SPOCK1: variants seen among roughly 807,000 people sequenced by gnomAD.
SPOCK1 encodes SPARC (osteonectin), cwcv and kazal like domains proteoglycan 1.
In SPOCK1, 23 loss-of-function variants were observed where a neutral mutation model predicts 55.3. The ratio of observed to expected loss-of-function variants is 0.42; its 90% CI spans 0.30 to 0.59. SPOCK1 has a LOEUF of 0.59. Ranked by LOEUF, SPOCK1 falls within the 20% of genes least tolerant of loss-of-function variation. The pLI is 0.22. For missense variants in SPOCK1, 499 were observed against 552.5 expected (o/e 0.90, Z 0.97); for synonymous variants, 226 against 221.0 (o/e 1.02, Z -0.20).
At chr5:137,184,474 CT>C (rs2127066211) in intron 3 of SPOCK1, among the ~76,000 whole-genome samples, 1 of 152,316 alleles carries the variant, frequency 6.6e-6, no homozygotes, top group Non-Finnish European at 1.5e-5. Context: ...ACGGGCAAAG[CT>C]TTTCCATTTG....
chr5:137,332,996 C>A (rs1758215314), intron 2 of SPOCK1, among the ~76,000 whole-genome samples: 1 of 152,158 alleles, frequency 6.6e-6, no homozygotes, highest in African/African-American at 2.4e-5. Flanking sequence ...TGTCAAAAGC[C>A]AGAGCAGCAT....
At chr5:137,162,475 T>C (rs1051477115) in intron 3 of SPOCK1, among the ~76,000 whole-genome samples, 1 of 152,142 alleles carries the variant, frequency 6.6e-6, no homozygotes, top group Non-Finnish European at 1.5e-5. Context: ...TGAAAGAATG[T>C]GTGCCTAAAT....
At chr5:137,348,230 G>T (rs1580878672) in intron 2 of SPOCK1, among the ~76,000 whole-genome samples, 1 of 152,256 alleles carries the variant, frequency 6.6e-6, no homozygotes, top group Non-Finnish European at 1.5e-5. Flanking sequence ...AGTAATATGG[G>T]GTTCAAGTAA....
intron 2 of SPOCK1, among the ~76,000 whole-genome samples, chr5:137,427,364 CA>C (rs1752653463): frequency 6.6e-6 from 1 of 152,142 alleles, no homozygotes; most frequent in Non-Finnish European, 1.5e-5. Flanking sequence ...TCATGTATCT[CA>C]CCAATGTCCC....
At chr5:137,402,733 A>C (rs1340706378) in intron 2 of SPOCK1, among the ~76,000 whole-genome samples, 3 of 152,268 alleles carry the variant, frequency 2.0e-5, no homozygotes, top group African/African-American at 7.2e-5. Flanking sequence ...ATCTGAACCC[A>C]AAATGGAGTT....
intron 2 of SPOCK1, among the ~76,000 whole-genome samples, chr5:137,489,310 G>T (rs1474628379): frequency 6.6e-6 from 1 of 152,172 alleles, no homozygotes; most frequent in Non-Finnish European, 1.5e-5. Flanking sequence ...AAAAGGTAAG[G>T]GGAGGAGCTG....
chr5:137,143,702 T>G (rs76748758), intron 3 of SPOCK1, among the ~76,000 whole-genome samples: 1,734 of 152,278 alleles, frequency 0.011, 43 homozygotes, highest in African/African-American at 0.04. Flanking sequence ...AATAATCAGT[T>G]TTCATAATAA....
chr5:137,465,046 GC>G (rs1373127123), intron 2 of SPOCK1, among the ~76,000 whole-genome samples: 1 of 152,166 alleles, frequency 6.6e-6, no homozygotes, highest in African/African-American at 2.4e-5. Context: ...CGCTATAGAA[GC>G]CACTGGAGAG....
At position 137,435,634 on chromosome 5, in the gene SPOCK1, T is replaced by C. The variant is rs1368845789; in HGVS notation, c.186+62739A>G. Among the ~76,000 whole-genome samples the C allele has an allele frequency of 2.0e-5, 3 of 152,308 alleles. No homozygotes were observed. The East Asian group carries it at 5.8e-4, about 29-fold the overall frequency. On this transcript the variant is annotated intron_variant, in intron 2 of 10. Coordinates refer to ENST00000394945, the MANE Select transcript of SPOCK1 (RefSeq NM_004598.4). ...ATAAAATGTATTTCTTTAAGTAAAG[T>C]GGGAGGCATTGAAAGGCTTAAGATT...
At chr5:137,099,306 C>T (rs1428516750) in intron 5 of SPOCK1, among the ~76,000 whole-genome samples, 3 of 152,116 alleles carry the variant, frequency 2.0e-5, no homozygotes, top group African/African-American at 7.2e-5. Flanking sequence ...TTTTAACATA[C>T]ATACTTTTTA....
intron 2 of SPOCK1, among the ~76,000 whole-genome samples, chr5:137,386,234 A>G (rs1751597247): frequency 6.6e-6 from 1 of 152,252 alleles, no homozygotes; most frequent in African/African-American, 2.4e-5. Context: ...AAAGAATTAA[A>G]TTGAGAGATA....
At chr5:137,144,260 A>G (rs1754152260) in intron 3 of SPOCK1, among the ~76,000 whole-genome samples, 1 of 152,126 alleles carries the variant, frequency 6.6e-6, no homozygotes, top group Admixed American at 6.5e-5. Flanking sequence ...TAGTTTTGCC[A>G]TCTGTCACCC....
chr5:137,109,053 G>T (rs554529188), intron 5 of SPOCK1, among the ~76,000 whole-genome samples: 3 of 152,304 alleles, frequency 2.0e-5, no homozygotes, highest in South Asian at 4.2e-4. Flanking sequence ...GGCATTTTAA[G>T]CTCCTCCTGC....
chr5:137,404,690 T>G (rs1339327845), intron 2 of SPOCK1, among the ~76,000 whole-genome samples: 2 of 151,638 alleles, frequency 1.3e-5, no homozygotes, highest in African/African-American at 4.8e-5. Flanking sequence ...AGTGCTGAAA[T>G]TACAGGGGGA....
chr5:137,024,318 G>GGGGC lies in SPOCK1; in HGVS notation c.590-31719_590-31718insGCCC, dbSNP rs1554093481. Among the ~76,000 whole-genome samples, 126 of 148,832 alleles carry GGGGC rather than the reference G, an allele frequency of 8.5e-4. 3 individuals are homozygous for GGGGC. Among genetic ancestry groups the GGGGC allele is most frequent in the African/African-American group, 2.7e-3 (108 of 40,162 alleles). On this transcript the variant is annotated intron_variant, in intron 6 of 10. Coordinates refer to ENST00000394945, the MANE Select transcript of SPOCK1 (RefSeq NM_004598.4). ...CACTAAATTGCACCAGTTTGAAGGG[G>GGGGC]GGGGGGTAGTTACAACTGACTGCTC...
At chr5:137,135,147 G>A (rs1359112351) in intron 4 of SPOCK1, among the ~76,000 whole-genome samples, 1 of 152,240 alleles carries the variant, frequency 6.6e-6, no homozygotes, top group Non-Finnish European at 1.5e-5. Context: ...GTTCCATCCT[G>A]ACATCCCTCC....
chr5:137,361,698 T>C (rs1750948792), intron 2 of SPOCK1, among the ~76,000 whole-genome samples: 1 of 152,232 alleles, frequency 6.6e-6, no homozygotes, highest in Non-Finnish European at 1.5e-5. Context: ...GTTGTCTTCA[T>C]TTCCCATGTT....
At position 136,979,432 on chromosome 5, in the gene SPOCK1, G is replaced by T; in HGVS notation, c.1029C>A (p.Tyr343Ter). The change falls in exon 10 of 11, where the codon TAC becomes TAA. Residue 343 changes from tyrosine (Y) to a stop codon, truncating the protein, a stop_gained. Transcript: ENST00000394945. LOFTEE classifies it high-confidence loss of function. Reference protein sequence around the residue: ...FIPRCNEEGYYKATQCHGSTG... With the variant: ...FIPRCNEEGY ...TGCTGCCGTGGCACTGTGTGGCTTT[G>T]TAATAGCCCTCCTCATTACACCGAG... 6.2e-7 allele frequency: 1 copy of T among 1,614,058 alleles called. No individual in the cohort carries two copies. The highest frequency in any genetic ancestry group is 8.5e-7 in the Non-Finnish European group (1 of 1,179,986).
At chr5:137,018,619 C>G (rs1342452189) in intron 6 of SPOCK1, among the ~76,000 whole-genome samples, 1 of 152,100 alleles carries the variant, frequency 6.6e-6, no homozygotes, top group East Asian at 1.9e-4. Flanking sequence ...TAGTTAAAAA[C>G]TCTAGAAGAA....
Sources: allele counts gnomAD v4.1 joint callset (sites outside exome capture counted in the v4.1 genomes callset), GRCh38; gene constraint gnomAD v4.1.1; transcripts MANE v1.5; gene names NCBI Gene and HGNC (gene_info 2026-07-23, HGNC 2026-07-21).